Variants in MAPK10 observed in about 807,000 individuals in gnomAD.
The protein encoded by MAPK10 is JNK3 alpha protein kinase.
Under a neutral mutation model 59.3 loss-of-function variants are expected in MAPK10, and 25 were observed. That is an observed-to-expected ratio of 0.42 (90% CI 0.31 to 0.59). The LOEUF (loss-of-function observed/expected upper bound fraction) is 0.59, where lower values mean the gene tolerates loss of function less well. Among genes scored for constraint, MAPK10 ranks in the 20% least tolerant of loss-of-function variants. The pLI, the probability that MAPK10 is intolerant of heterozygous loss-of-function variation, is 0.15. For synonymous variants in MAPK10, 190 were observed against 200.5 expected (o/e 0.95, Z 0.44); for missense variants, 351 against 568.9 (o/e 0.62, Z 3.90).
chr4:86,212,856 G>C (rs1582927633), intron 2 of MAPK10, among the ~76,000 whole-genome samples: 1 of 151,964 alleles, frequency 6.6e-6, no homozygotes, highest in Admixed American at 6.6e-5. Flanking sequence ...AAGAAATAGA[G>C]AACTTGAACA....
intron 1 of MAPK10, among the ~76,000 whole-genome samples, chr4:86,532,053 T>A (rs995561922): frequency 8.8e-5 from 13 of 147,756 alleles, no homozygotes; most frequent in Admixed American, 2.0e-4. Context: ...ATATATATTA[T>A]TTTTTATATA....
chr4:86,174,172 A>C (rs2075111089), intron 3 of MAPK10, among the ~76,000 whole-genome samples: 1 of 103,256 alleles, frequency 9.7e-6, no homozygotes, highest in South Asian at 2.5e-4. Context: ...ACATGCACAC[A>C]TATGTTTATT....
intron 2 of MAPK10, among the ~76,000 whole-genome samples, chr4:86,237,415 C>T (rs1263953982): frequency 1.3e-5 from 2 of 152,084 alleles, no homozygotes; most frequent in East Asian, 3.9e-4. Context: ...GTTCTAGATC[C>T]TTGAAGAATC....
chr4:86,146,198 C>G (rs2064965929), intron 4 of MAPK10, among the ~76,000 whole-genome samples: 1 of 152,112 alleles, frequency 6.6e-6, no homozygotes, highest in South Asian at 2.1e-4. Flanking sequence ...AACTTTAACT[C>G]CAATATTTGT....
Position 86,572,133 on chromosome 4 carries a change from A to T in MAPK10, c.-263+21777T>A, listed in dbSNP as rs201028998. Among the ~76,000 whole-genome samples the T allele has an allele frequency of 3.3e-5, 5 of 152,228 alleles. No homozygotes were observed. The East Asian group carries it at 9.7e-4, about 29-fold the overall frequency. On this transcript the variant is annotated intron_variant, in intron 1 of 4. Coordinates refer to the MAPK10 transcript ENST00000502302. ...TGCACATATATTTTGTTCTTACCAG[A>T]ACAGTGGAAACACTACACAAAATTT...
At chr4:86,167,941 T>C (rs540691634) in intron 3 of MAPK10, among the ~76,000 whole-genome samples, 2 of 152,202 alleles carry the variant, frequency 1.3e-5, no homozygotes, top group South Asian at 2.1e-4. Flanking sequence ...GCAAATTGTC[T>C]CTGTTTGCAG....
At chr4:86,165,568 T>A (rs2071406148) in intron 3 of MAPK10, among the ~76,000 whole-genome samples, 1 of 114,786 alleles carries the variant, frequency 8.7e-6, no homozygotes, top group African/African-American at 4.2e-5. Flanking sequence ...TTTTTTTTTT[T>A]TTTTTTTTTT....
chr4:86,091,536 A>ATTTT (rs71657508), intron 9 of MAPK10: 7 of 67,458 alleles, frequency 1.0e-4, no homozygotes, highest in East Asian at 5.5e-4. Flanking sequence ...AAATCCCTTG[A>ATTTT]TTTTTTTTTT....
chr4:86,027,682 A>G (rs1376253829), intron 13 of MAPK10: 1 of 152,222 alleles, frequency 6.6e-6, no homozygotes, highest in Non-Finnish European at 1.5e-5. Context: ...TTTTCAAATT[A>G]ATATATATTT....
Position 86,350,423 on chromosome 4 carries a change from C to T in MAPK10, c.-7+4107G>A, listed in dbSNP as rs563489864. Among the ~76,000 whole-genome samples the T allele has an allele frequency of 7.2e-5, 11 of 152,284 alleles. No individual in the cohort carries two copies. In the East Asian group the frequency reaches 1.9e-3, roughly 27 times the overall value. On this transcript the variant is annotated intron_variant, in intron 2 of 13. Transcript: ENST00000641462. ...TAGAGATGGGGTTTCACCGTGTTAG[C>T]CAGGATGGTCTTGATCTCCTGACCT... is the stretch of plus-strand genomic sequence containing the variant.
chr4:86,572,174 T>G (rs560868590), intron 1 of MAPK10, among the ~76,000 whole-genome samples: 1 of 152,266 alleles, frequency 6.6e-6, no homozygotes, highest in South Asian at 2.1e-4. Flanking sequence ...ATTTTTTATT[T>G]CAAGTCTACC....
At chr4:86,485,001 A>C (rs927006513) in intron 1 of MAPK10, among the ~76,000 whole-genome samples, 3 of 152,198 alleles carry the variant, frequency 2.0e-5, no homozygotes, top group Admixed American at 2.0e-4. Context: ...ATGTGTAGTA[A>C]GATATGTCAG....
At position 86,049,608 on chromosome 4, in the gene MAPK10, C is replaced by G. The variant is rs78632613; in HGVS notation, c.1110+14658G>C. Reference sequence around the variant, plus strand: ...ATTACCTCCATAAGCTTTAAGAAAACCTTCTTTAATAACATCCTATGTTTT... The same window carrying G: ...ATTACCTCCATAAGCTTTAAGAAAAGCTTCTTTAATAACATCCTATGTTTT... On this transcript the variant is annotated intron_variant, in intron 11 of 13. Coordinates refer to ENST00000641462, the MANE Select transcript of MAPK10 (RefSeq NM_138982.4). Among the ~76,000 whole-genome samples the G allele has an allele frequency of 4.7e-4, 72 of 151,944 alleles. 1 individual carries two copies. The highest frequency in any genetic ancestry group is 1.8e-4 in the Non-Finnish European group (12 of 67,978).
At chr4:86,460,079 T>A (rs548358090) in intron 1 of MAPK10, among the ~76,000 whole-genome samples, 5 of 152,360 alleles carry the variant, frequency 3.3e-5, no homozygotes, top group African/African-American at 1.2e-4. Flanking sequence ...ATTAAATCTT[T>A]GTTCATTTGA....
chr4:86,176,483 C>T (rs1454089950), intron 3 of MAPK10, among the ~76,000 whole-genome samples: 2 of 152,098 alleles, frequency 1.3e-5, no homozygotes, highest in Non-Finnish European at 2.9e-5. Context: ...CAAAATCTGA[C>T]CTTTTTGTGC....
chr4:86,170,060 G>A (rs2149256428), intron 3 of MAPK10, among the ~76,000 whole-genome samples: 1 of 152,054 alleles, frequency 6.6e-6, no homozygotes, highest in African/African-American at 2.4e-5. Flanking sequence ...CCTGAAGGAA[G>A]CGCTAAACAT....
At chr4:86,339,965 G>A (rs1723916241) in intron 2 of MAPK10, among the ~76,000 whole-genome samples, 2 of 152,182 alleles carry the variant, frequency 1.3e-5, no homozygotes, top group African/African-American at 4.8e-5. Flanking sequence ...CAGAGGCTCA[G>A]AAATGTGAAT....
intron 4 of MAPK10, among the ~76,000 whole-genome samples, chr4:86,150,400 A>G (rs766006689): frequency 6.6e-6 from 1 of 152,208 alleles, no homozygotes; most frequent in Non-Finnish European, 1.5e-5. Context: ...TCACCTCTAT[A>G]TAATTCATCC....
chr4:86,077,251 T>G (rs1216634174), intron 9 of MAPK10, among the ~76,000 whole-genome samples: 3 of 152,182 alleles, frequency 2.0e-5, no homozygotes, highest in Non-Finnish European at 4.4e-5. Flanking sequence ...TCTGAAATCC[T>G]AAGATTGAAA....
Sources: allele counts gnomAD v4.1 joint callset (sites outside exome capture counted in the v4.1 genomes callset), GRCh38; gene constraint gnomAD v4.1.1; transcripts MANE v1.5; gene names NCBI Gene and HGNC (gene_info 2026-07-23, HGNC 2026-07-21).